Variants in ATP5F1B observed in about 807,000 individuals in gnomAD.
The protein encoded by ATP5F1B is ATP synthase F(1) complex subunit beta, mitochondrial.
Under a neutral mutation model 45.9 loss-of-function variants are expected in ATP5F1B, and 17 were observed. The ratio of observed to expected loss-of-function variants is 0.37; its 90% CI spans 0.25 to 0.56. The LOEUF is 0.56. ATP5F1B is among the 20% of genes least tolerant of loss of function. The probability of loss-of-function intolerance (pLI) is 0.80; values close to 1 mark genes in which losing one functional copy is unlikely to be tolerated. For synonymous variants in ATP5F1B, 218 were observed against 256.5 expected (o/e 0.85, Z 1.43); for missense variants, 387 against 673.2 (o/e 0.57, Z 4.70).
chr12:56,643,913 A>G lies in ATP5F1B; in HGVS notation c.531T>C (p.Ser177=), dbSNP rs1951531412. The change falls in exon 4 of 10, where the codon AGT becomes AGC. Residue 177 remains serine, a synonymous_variant. Transcript: ENST00000262030. The part of the protein sequence containing the change: ...HAEAPEFMEM[S]VEQEILVTGI... ...CAGTCACCAGAATTTCCTGCTCAAC[A>G]CTCATTTCCATGAACTCTGGAGCCT... The G allele has an allele frequency of 1.9e-6, 3 of 1,614,122 alleles. No homozygotes were observed. The East Asian group carries it at 6.7e-5, about 36-fold the overall frequency.
chr12:56,641,580 C>T (rs995450270), intron 7 of ATP5F1B, among the ~76,000 whole-genome samples: 5 of 151,620 alleles, frequency 3.3e-5, no homozygotes, highest in African/African-American at 9.7e-5. Context: ...ATCACTCTGC[C>T]GCCCAGGCTG....
chr12:56,643,491 C>T lies in ATP5F1B; in HGVS notation c.704G>A (p.Gly235Asp). The T allele has an allele frequency of 6.2e-7, 1 of 1,614,106 alleles. No individual in the cohort carries two copies. Among genetic ancestry groups the T allele is most frequent in the Non-Finnish European group, 8.5e-7 (1 of 1,180,026 alleles). The change falls in exon 5 of 10, where the codon GGT becomes GAT. Residue 235 changes from glycine to aspartate, a missense_variant. Physicochemically the swap from Gly to Asp is moderately conservative, Grantham distance 94. Transcript: ENST00000262030. ...GCCTTCACGGGTCCTCTCACCAACACCAGCAAACACAGAGTAACCACCATG... is the reference window on the plus strand; with the variant it reads ...GCCTTCACGGGTCCTCTCACCAACATCAGCAAACACAGAGTAACCACCATG... ...KAHGGYSVFA[G>D]VGERTREGND...
chr12:56,642,356 G>A lies in ATP5F1B; in HGVS notation c.1074+102C>T, dbSNP rs544634277. 65 of 1,513,396 alleles carry A rather than the reference G, an allele frequency of 4.3e-5. No homozygotes were observed. The East Asian group carries it at 9.9e-4, about 23-fold the overall frequency. The allele number at this position is 1,513,396 out of a possible 1,614,324, so 93.7% of individuals were successfully genotyped here. ...CTTTGTTCCCCAGGCTGATCTCTTG[G>A]GCTCAAGCAATCTTCCTGCCTCAGC... is the stretch of plus-strand genomic sequence containing the variant. On this transcript the variant is annotated intron_variant, in intron 7 of 9. Transcript: ENST00000262030.
At chr12:56,638,983 G>T in intron 9 of ATP5F1B, 123 bp downstream of exon 9, 1 of 906,704 alleles carries the variant, frequency 1.1e-6, no homozygotes, top group Admixed American at 2.4e-5. Flanking sequence ...AAAATCAATG[G>T]GTAAGTTTGT....
intron 8 of ATP5F1B, among the ~76,000 whole-genome samples, chr12:56,639,573 A>G (rs1951497135): frequency 6.6e-6 from 1 of 151,996 alleles, no homozygotes; most frequent in African/African-American, 2.4e-5. Context: ...GGAGATCGAG[A>G]CCAGCCTGAC....
intron 3 of ATP5F1B, 100 bp downstream of exon 3, chr12:56,644,681 C>T: frequency 7.7e-7 from 1 of 1,293,016 alleles, no homozygotes; most frequent in Non-Finnish European, 1.1e-6. Context: ...TCGAACGTAT[C>T]AGAAGAAAAA....
chr12:56,645,771 T>A, intron 1 of ATP5F1B, 66 bp downstream of exon 1: 1 of 1,577,206 alleles, frequency 6.3e-7, no homozygotes, highest in South Asian at 1.2e-5. Flanking sequence ...CGAGCTACCA[T>A]CGTTCCCCGG....
intron 2 of ATP5F1B, 45 bp from the exon 3 acceptor site, chr12:56,645,000 G>A: frequency 1.2e-6 from 2 of 1,613,708 alleles, no homozygotes; most frequent in South Asian, 1.1e-5. Flanking sequence ...GGATAAATTG[G>A]TATCAAGACC....
Position 56,639,150 on chromosome 12 carries a change from A to G in ATP5F1B, c.1445T>C (p.Val482Ala). The change falls in exon 9 of 10, where the codon GTA becomes GCA. Residue 482 changes from valine (V) to alanine (A), a missense_variant. Val to Ala is a moderately conservative substitution (Grantham distance 64). Transcript: ENST00000262030. Reference protein sequence around the residue: ...EVFTGHMGKLVPLKETIKGFQ... With the variant: ...EVFTGHMGKLAPLKETIKGFQ... Reference sequence around the variant, plus strand: ...TCCTTTGATGGTCTCCTTCAGGGGTACCAGCTTCCCCATATGACCTGTGAA... The same window carrying G: ...TCCTTTGATGGTCTCCTTCAGGGGTGCCAGCTTCCCCATATGACCTGTGAA... 6.2e-7 allele frequency: 1 copy of G among 1,614,130 alleles called. No homozygotes were observed. Among genetic ancestry groups the G allele is most frequent in the South Asian group, 1.1e-5 (1 of 91,078 alleles).
chr12:56,643,834 T>G lies in ATP5F1B; in HGVS notation c.607+3A>C. 6.2e-7 allele frequency: 1 copy of G among 1,614,112 alleles called. No individual in the cohort carries two copies. The highest frequency in any genetic ancestry group is 8.5e-7 in the Non-Finnish European group (1 of 1,180,020). On this transcript the variant is annotated splice_donor_region_variant and intron_variant, in intron 4 of 9. Coordinates refer to ENST00000262030, the MANE Select transcript of ATP5F1B (RefSeq NM_001686.4). ...GGAAAATATGTACCCCTTAATAACA[T>G]ACCAATTTTGCCACCCTTGGCATAG...
chr12:56,638,693 C>T (rs1273155094), intron 9 of ATP5F1B, among the ~76,000 whole-genome samples: 8 of 152,098 alleles, frequency 5.3e-5, no homozygotes, highest in Admixed American at 1.3e-4. Flanking sequence ...GTCAGGAGTT[C>T]GAGACAAGCC....
At chr12:56,645,105 A>T (rs751309646) in intron 2 of ATP5F1B, 66 bp downstream of exon 2, 3 of 1,609,318 alleles carry the variant, frequency 1.9e-6, no homozygotes, top group Non-Finnish European at 1.7e-6. Flanking sequence ...TAGAAGGCAG[A>T]CAGCTTGGTT....
chr12:56,644,738 A>G, intron 3 of ATP5F1B, 43 bp downstream of exon 3: 1 of 1,567,090 alleles, frequency 6.4e-7, no homozygotes, highest in South Asian at 1.2e-5. Context: ...AACTGCAAAT[A>G]ACAGAAGTTC....
At chr12:56,642,866 A>G (rs886901357) in intron 5 of ATP5F1B, 35 bp from the exon 6 acceptor site, 1 of 1,611,782 alleles carries the variant, frequency 6.2e-7, no homozygotes, top group African/African-American at 1.3e-5. Context: ...AAACCTGACA[A>G]AGGAGTAGAG....
At position 56,639,093 on chromosome 12, in the gene ATP5F1B, C is replaced by T. The variant is rs1951493329; in HGVS notation, c.1489+13G>A. 2 of 1,613,098 alleles carry T rather than the reference C, an allele frequency of 1.2e-6. No homozygotes were observed. The highest frequency in any genetic ancestry group is 1.7e-6 in the Non-Finnish European group (2 of 1,179,290). ...GCACAGTAAACATTCAAGATTTGTACTCAAAATCTCACCTGCCAAAATCTG... is the reference window on the plus strand; with the variant it reads ...GCACAGTAAACATTCAAGATTTGTATTCAAAATCTCACCTGCCAAAATCTG... On this transcript the variant is annotated intron_variant, in intron 9 of 9. Coordinates refer to ENST00000262030, the MANE Select transcript of ATP5F1B (RefSeq NM_001686.4).
chr12:56,640,297 C>G (rs1287308049), intron 7 of ATP5F1B, 105 bp from the exon 8 acceptor site: 1 of 919,642 alleles, frequency 1.1e-6, no homozygotes, highest in Non-Finnish European at 1.6e-6. Flanking sequence ...GGTGCAATCT[C>G]GGCTCACTGC....
At position 56,644,541 on chromosome 12, in the gene ATP5F1B, G is replaced by A. The variant is rs145882774; in HGVS notation, c.485+240C>T. Among the ~76,000 whole-genome samples, 60 of 152,138 alleles carry A rather than the reference G, an allele frequency of 3.9e-4. 2 individuals are homozygous for A. In the East Asian group the frequency reaches 0.011, roughly 28 times the overall value. On this transcript the variant is annotated intron_variant, in intron 3 of 9. Transcript: ENST00000262030. Reference sequence around the variant, plus strand: ...CAGGAGAATCACTTGAACCCAGGAGGTGGAGGTTGCAGTGAGTCGAGAGCG... The same window carrying A: ...CAGGAGAATCACTTGAACCCAGGAGATGGAGGTTGCAGTGAGTCGAGAGCG...
At position 56,638,245 on chromosome 12, in the gene ATP5F1B, C is replaced by T. The variant is rs929186318; in HGVS notation, c.*78G>A. 3 of 1,210,724 alleles carry T rather than the reference C, an allele frequency of 2.5e-6. No individual in the cohort carries two copies. The highest frequency in any genetic ancestry group is 1.3e-5 in the South Asian group (1 of 78,254). The allele number at this position is 1,210,724 out of a possible 1,614,324, so 75.0% of individuals were successfully genotyped here. ...AAAGAATATATCTTCAATCAAGGCT[C>T]TTGTGCAGCCTACACAGAAAAATGA... On this transcript the variant is annotated 3_prime_UTR_variant, in exon 10 of 10. Transcript: ENST00000262030.
Position 56,639,243 on chromosome 12 carries a change from T to G in ATP5F1B, c.1352A>C (p.Lys451Thr). ...LGMDELSEED[K>T]LTVSRARKIQ... is the part of the protein sequence containing the mutation. ...TTTCCGTGCACGGGACACGGTCAAC[T>G]TGTCTTCCTCAGAAAGTTCATCCAT... is the stretch of plus-strand genomic sequence containing the variant. The change falls in exon 9 of 10, where the codon AAG becomes ACG. Residue 451 changes from lysine (K) to threonine (T), a missense_variant. Physicochemically the swap from Lys to Thr is moderately conservative, Grantham distance 78 (BLOSUM62 -1). Around this residue, in one of 6 missense-constraint regions of ATP5F1B, gnomAD observed 154 missense variants for 361.4 expected, o/e 0.43. Coordinates refer to ENST00000262030, the MANE Select transcript of ATP5F1B (RefSeq NM_001686.4). 1 of 1,614,112 alleles carries G rather than the reference T, an allele frequency of 6.2e-7. No individual in the cohort carries two copies. The highest frequency in any genetic ancestry group is 8.5e-7 in the Non-Finnish European group (1 of 1,180,028).
Sources: gnomAD v4.1 joint callset for allele counts (sites outside exome capture counted in the v4.1 genomes callset) on GRCh38, gnomAD v4.1.1 for gene constraint, gnomAD v4.1.1 regional missense constraint, MANE v1.5 for transcripts, NCBI Gene and HGNC (gene_info 2026-07-23, HGNC 2026-07-21) for gene names.